The following SLC6A5 variants were observed in gnomAD, a reference collection of about 807,000 sequenced individuals.
The protein encoded by SLC6A5 is sodium- and chloride-dependent glycine transporter 2.
A neutral mutation model predicts 90.5 loss-of-function variants in SLC6A5; 58 were observed. That is an observed-to-expected ratio of 0.64 (90% confidence interval 0.52 to 0.80). SLC6A5 has a LOEUF of 0.80. Ranked by LOEUF, SLC6A5 falls within the 30% of genes least tolerant of loss-of-function variation. SLC6A5 has a pLI of 0.00. For synonymous variants in SLC6A5, 427 were observed against 401.4 expected, an observed-to-expected ratio of 1.06 and a Z score of -0.76; for missense variants, 1,015 against 1,017.6, an observed-to-expected ratio of 1.00 and a Z score of 0.03.
Position 20,617,784 on chromosome 11 carries a change from A to G in SLC6A5, c.1160A>G (p.Glu387Gly), listed in dbSNP as rs1168679539. 6.2e-7 allele frequency: 1 copy of G among 1,614,172 alleles called. No individual in the cohort carries two copies. The highest frequency in any genetic ancestry group is 8.5e-7 in the Non-Finnish European group (1 of 1,180,032). ...GTGCTGAAGATTTCTGCAGGGATTG[A>G]ATATCCTGGCGAGATCAGGTGGCCA... ...YFVLKISAGI[E>G]YPGEIRWPLA... Residue 387 changes from glutamate (E) to glycine (G), a missense_variant, in exon 7 of 16, where the codon GAA becomes GGA. By Grantham distance (98) the Glu-to-Gly change is moderately conservative. Around this residue, in one of 3 missense-constraint regions of SLC6A5, gnomAD observed 567 missense variants for 507.3 expected, o/e 1.12. Coordinates refer to ENST00000525748, the MANE Select transcript of SLC6A5 (RefSeq NM_004211.5).
chr11:20,654,970 T>G lies in SLC6A5; in HGVS notation c.*102T>G. 2 of 1,235,094 alleles carry G rather than the reference T, an allele frequency of 1.6e-6. No individual in the cohort carries two copies. Among genetic ancestry groups the G allele is most frequent in the East Asian group, 2.3e-5 (1 of 43,194 alleles). 76.5% of individuals were successfully genotyped at this position (1,235,094 alleles called of 1,614,324 possible). On this transcript the variant is annotated 3_prime_UTR_variant, in exon 16 of 16. Coordinates refer to ENST00000525748, the MANE Select transcript of SLC6A5 (RefSeq NM_004211.5). ...TCCCATTTTTCTTCATCTTTCTTCC[T>G]ACATCTTGGTTCACATCCACGCATG... is the stretch of plus-strand genomic sequence containing the variant.
At position 20,604,351 on chromosome 11, in the gene SLC6A5, G is replaced by T. The variant is rs1273962194; in HGVS notation, c.606G>T (p.Leu202=). The T allele has an allele frequency of 6.2e-7, 1 of 1,614,168 alleles. No homozygotes were observed. The highest frequency in any genetic ancestry group is 1.1e-5 in the South Asian group (1 of 91,086). ...GGTCCAGCAAACTGGACTTCATCCTGTCCATGGTGGGGTACGCAGTGGGGC... is the reference window on the plus strand; with the variant it reads ...GGTCCAGCAAACTGGACTTCATCCTTTCCATGGTGGGGTACGCAGTGGGGC... The part of the protein sequence containing the change: ...GNWSSKLDFI[L]SMVGYAVGLG... Residue 202 remains leucine (L), a synonymous_variant, in exon 3 of 16, where the codon CTG becomes CTT. Coordinates refer to ENST00000525748, the MANE Select transcript of SLC6A5 (RefSeq NM_004211.5).
chr11:20,655,154 T>A lies in SLC6A5; in HGVS notation c.*286T>A, dbSNP rs1341900282. On this transcript the variant is annotated 3_prime_UTR_variant, in exon 16 of 16. Transcript: ENST00000525748. The stretch of plus-strand genomic sequence containing the variant: ...ACCCTGCAGAGGAGGATCAGTTAGG[T>A]GAGCACTGGTAGGTATGCGTGGTTT... 2 of 433,050 alleles carry A rather than the reference T, an allele frequency of 4.6e-6. No homozygotes were observed. The highest frequency in any genetic ancestry group is 4.1e-5 in the South Asian group (2 of 49,328). 26.8% of individuals were successfully genotyped at this position (433,050 alleles called of 1,614,324 possible).
At chr11:20,652,233 GT>G in intron 14 of SLC6A5, 55 bp from the exon 15 acceptor site, 1 of 1,526,604 alleles carries the variant, frequency 6.6e-7, no homozygotes, top group Non-Finnish European at 9.1e-7. Context: ...ATAGTGTTGA[GT>G]GCTTGAATAA....
At chr11:20,643,901 TA>T (rs371067752) in intron 13 of SLC6A5, among the ~76,000 whole-genome samples, 71 of 152,162 alleles carry the variant, frequency 4.7e-4, no homozygotes, top group Non-Finnish European at 8.8e-4. Context: ...CTGAGCTTGG[TA>T]GGAAGTAAAA....
intron 13 of SLC6A5, among the ~76,000 whole-genome samples, chr11:20,644,087 A>G (rs1297962827): frequency 6.6e-6 from 1 of 152,224 alleles, no homozygotes; most frequent in Admixed American, 6.5e-5. Context: ...ATAATTGTAT[A>G]TATTTACGAG....
intron 14 of SLC6A5, among the ~76,000 whole-genome samples, chr11:20,648,849 C>T (rs562226611): frequency 7.2e-5 from 11 of 152,280 alleles, no homozygotes; most frequent in African/African-American, 2.6e-4. Context: ...ATGAGGCAGG[C>T]ACTTCATAAG....
intron 3 of SLC6A5, 51 bp from the exon 4 acceptor site, chr11:20,606,956 A>G (rs770671473): frequency 2.5e-5 from 40 of 1,611,350 alleles, no homozygotes; most frequent in Non-Finnish European, 3.1e-5. Context: ...TAAGGAGGGC[A>G]GCAGCCTGCT....
Position 20,657,163 on chromosome 11 carries a change from T to C in SLC6A5, c.*2295T>C, listed in dbSNP as rs1288442019. On this transcript the variant is annotated 3_prime_UTR_variant, in exon 16 of 16. Transcript: ENST00000525748. ...TGAGCCAATGGTTGCAGTCTGATGCTGGACGCCAACCCAATTTCTGCTAAT... is the reference window on the plus strand; with the variant it reads ...TGAGCCAATGGTTGCAGTCTGATGCCGGACGCCAACCCAATTTCTGCTAAT... 1 of 149,216 alleles carries C rather than the reference T, an allele frequency of 6.7e-6. No homozygotes were observed. The highest frequency in any genetic ancestry group is 1.5e-5 in the Non-Finnish European group (1 of 67,752). 9.2% of individuals were successfully genotyped at this position (149,216 alleles called of 1,614,324 possible). A position where few individuals can be genotyped will look rare whatever the true frequency, so the allele number is the denominator to read the frequency against.
At chr11:20,610,241 A>C (rs16906539) in intron 5 of SLC6A5, among the ~76,000 whole-genome samples, 1 of 152,202 alleles carries the variant, frequency 6.6e-6, no homozygotes, top group East Asian at 1.9e-4. Context: ...GAGATGGCCC[A>C]TCATTCCCTC....
At chr11:20,600,791 C>A (rs1373382164) in intron 1 of SLC6A5, among the ~76,000 whole-genome samples, 1 of 152,220 alleles carries the variant, frequency 6.6e-6, no homozygotes, top group Non-Finnish European at 1.5e-5. Context: ...CGGGCACCCA[C>A]AGCTGTGATG....
intron 10 of SLC6A5, among the ~76,000 whole-genome samples, chr11:20,633,911 A>G (rs1853153809): frequency 1.3e-5 from 2 of 152,082 alleles, no homozygotes; most frequent in African/African-American, 2.4e-5. Context: ...TTGCTCTGTC[A>G]CCCAGGCTGG....
At chr11:20,634,328 C>A (rs1853163763) in intron 10 of SLC6A5, among the ~76,000 whole-genome samples, 1 of 152,182 alleles carries the variant, frequency 6.6e-6, no homozygotes, top group Non-Finnish European at 1.5e-5. Context: ...GACTCCGCTC[C>A]CCATCTGCCT....
intron 9 of SLC6A5, among the ~76,000 whole-genome samples, chr11:20,629,946 C>A (rs1450983277): frequency 6.6e-6 from 1 of 152,130 alleles, no homozygotes; most frequent in Admixed American, 6.5e-5. Context: ...TGGTCTCGAA[C>A]TCCTGACCTC....
chr11:20,641,333 A>AGTT (rs1489437842), intron 13 of SLC6A5, among the ~76,000 whole-genome samples: 4 of 152,170 alleles, frequency 2.6e-5, no homozygotes, highest in African/African-American at 7.2e-5. Context: ...CATGTCAGTC[A>AGTT]GTTACTTGTT....
At chr11:20,643,104 C>A (rs1024103815) in intron 13 of SLC6A5, among the ~76,000 whole-genome samples, 1 of 152,182 alleles carries the variant, frequency 6.6e-6, no homozygotes, top group Admixed American at 6.5e-5. Context: ...TAACCTTGAG[C>A]CCTATCATAT....
chr11:20,645,331 C>A (rs527917911), intron 13 of SLC6A5, among the ~76,000 whole-genome samples: 1 of 152,016 alleles, frequency 6.6e-6, no homozygotes, highest in Non-Finnish European at 1.5e-5. Context: ...CAGATGAGGG[C>A]AGCTAGTACA....
chr11:20,626,980 G>T (rs1853009935), intron 8 of SLC6A5, 138 bp downstream of exon 8: 1 of 712,664 alleles, frequency 1.4e-6, no homozygotes, highest in Non-Finnish European at 2.5e-6. Flanking sequence ...GGTACATTAT[G>T]CACTCAGGAA....
At chr11:20,649,590 A>G (rs188729789) in intron 14 of SLC6A5, among the ~76,000 whole-genome samples, 175 of 152,268 alleles carry the variant, frequency 1.1e-3, no homozygotes, top group African/African-American at 4.1e-3. Context: ...TATAAAATGG[A>G]TATTTGTGGT....
Sources: allele counts gnomAD v4.1 joint callset (sites outside exome capture counted in the v4.1 genomes callset), GRCh38; gene constraint gnomAD v4.1.1; regional missense constraint gnomAD v4.1.1; transcripts MANE v1.5; gene names NCBI Gene and HGNC (gene_info 2026-07-23, HGNC 2026-07-21).